NEBL: variants seen among roughly 807,000 people sequenced by gnomAD.
NEBL encodes the protein nebulette, also known as LIM and SH3 protein 2.
Under a neutral mutation model 140.2 loss-of-function variants are expected in NEBL, and 122 were observed. That is an observed-to-expected ratio of 0.87 (90% CI 0.75 to 1.01). NEBL has a LOEUF of 1.01. Ranked by LOEUF, NEBL falls within the 50% of genes least tolerant of loss-of-function variation. The pLI is 0.00. For synonymous variants in NEBL, 436 were observed against 398.9 expected (o/e 1.09, Z -1.11); for missense variants, 1,365 against 1,231.3 (o/e 1.11, Z -1.62).
intron 4 of NEBL, among the ~76,000 whole-genome samples, chr10:20,943,452 A>G (rs560428451): frequency 3.3e-5 from 5 of 152,246 alleles, no homozygotes; most frequent in South Asian, 2.1e-4. Flanking sequence ...GGTTGGGGAG[A>G]GTGGGGAGGG....
At chr10:21,177,406 T>A (rs1230906105), upstream of NEBL, among the ~76,000 whole-genome samples, 2 of 152,206 alleles carry the variant, frequency 1.3e-5, no homozygotes, top group Non-Finnish European at 2.9e-5. Flanking sequence ...TGGGGGATTG[T>A]TTTGTTACTG....
intron 4 of NEBL, among the ~76,000 whole-genome samples, chr10:20,932,308 C>G (rs1455727932): frequency 6.6e-6 from 1 of 152,114 alleles, no homozygotes; most frequent in African/African-American, 2.4e-5. Flanking sequence ...TCTCAGCAAA[C>G]TAACACAGGA....
intron 2 of NEBL, among the ~76,000 whole-genome samples, chr10:21,137,040 T>A (rs1236124590): frequency 6.6e-6 from 1 of 152,166 alleles, no homozygotes; most frequent in African/African-American, 2.4e-5. Context: ...TCCCACTAAG[T>A]TAGTTGTTAG....
intron 2 of NEBL, among the ~76,000 whole-genome samples, chr10:21,026,288 T>C (rs556371136): frequency 6.6e-6 from 1 of 152,014 alleles, no homozygotes; most frequent in South Asian, 2.1e-4. Context: ...TGACATCTCG[T>C]GGTCAGGAGG....
Position 21,255,694 on chromosome 10 carries a change from C to T in NEBL, n.183-3866G>A, listed in dbSNP as rs142101957. 2.8e-3 allele frequency among the ~76,000 whole-genome samples: 425 copies of T among 152,074 alleles called. 5 individuals carry two copies. The highest frequency in any genetic ancestry group is 1.0e-2 in the African/African-American group (414 of 41,530). ...TCTTCAGCATCAGAGAATAATCCAA[C>T]CTCTGAAAAGGATTCATCTCCGGCT... On this transcript the variant is annotated intron_variant and non_coding_transcript_variant, in intron 1 of 8. Transcript: ENST00000675702.
chr10:21,200,913 G>C (rs547897114), intron 3 of NEBL, among the ~76,000 whole-genome samples: 7 of 152,106 alleles, frequency 4.6e-5, no homozygotes, highest in Middle Eastern at 3.4e-3. Flanking sequence ...GGGCAACAGA[G>C]AGATATCCCG....
At chr10:21,124,446 T>C (rs1423852823) in intron 2 of NEBL, among the ~76,000 whole-genome samples, 1 of 152,060 alleles carries the variant, frequency 6.6e-6, no homozygotes, top group East Asian at 1.9e-4. Flanking sequence ...CTAGTAGAGG[T>C]GATAAATGCT....
intron 16 of NEBL, 92 bp from the exon 17 acceptor site, chr10:20,828,726 G>C (rs1427641441): frequency 3.6e-6 from 3 of 826,558 alleles, no homozygotes; most frequent in Non-Finnish European, 6.0e-6. Context: ...GGAAGGGAGA[G>C]AGAGAGAGTA....
chr10:20,844,396 A>G (rs1841706607), intron 12 of NEBL, among the ~76,000 whole-genome samples: 1 of 150,676 alleles, frequency 6.6e-6, no homozygotes, highest in Non-Finnish European at 1.5e-5. Context: ...TAAGATATAT[A>G]TACAAATATT....
chr10:21,122,002 G>A (rs199628586), intron 2 of NEBL, among the ~76,000 whole-genome samples: 2 of 149,434 alleles, frequency 1.3e-5, no homozygotes, highest in Non-Finnish European at 3.0e-5. Context: ...GATTTCTCCT[G>A]GTTGTTGTTG....
chr10:20,964,674 C>A (rs887397984), intron 3 of NEBL, among the ~76,000 whole-genome samples: 1 of 152,160 alleles, frequency 6.6e-6, no homozygotes, highest in Non-Finnish European at 1.5e-5. Context: ...GGACAAACAT[C>A]CAAACCATAT....
rs1842824889 is a variant in NEBL at position 21,268,491 on chromosome 10, A to G, written n.183-16663T>C. 4.0e-5 allele frequency among the ~76,000 whole-genome samples: 6 copies of G among 151,512 alleles called. No homozygotes were observed. In the South Asian group the frequency reaches 1.3e-3, roughly 32 times the overall value. ...GAGCAAGGCTCTATCTCTAAAGAGT[A>G]AAAAATACATTAAAAATAAAAATTT... On this transcript the variant is annotated intron_variant and non_coding_transcript_variant, in intron 1 of 8. Transcript: ENST00000675702.
At chr10:21,068,553 G>A (rs781021730) in intron 2 of NEBL, among the ~76,000 whole-genome samples, 77 of 152,306 alleles carry the variant, frequency 5.1e-4, no homozygotes, top group Non-Finnish European at 7.9e-4. Context: ...TTGTCACCAC[G>A]AGGAAAGAAG....
chr10:21,253,250 G>A (rs976460738), intron 1 of NEBL, among the ~76,000 whole-genome samples: 5 of 152,132 alleles, frequency 3.3e-5, no homozygotes, highest in Non-Finnish European at 5.9e-5. Flanking sequence ...TTGCCTGGGC[G>A]ACAAGAATGA....
Position 21,174,164 on chromosome 10 carries a change from G to T in NEBL, c.-331C>A, listed in dbSNP as rs1008695205. ...GCCCCTCGCGCTCACTCGCTCCCCC[G>T]CCTCGCCGCCGCCGCCGCGCAGGCC... On this transcript the variant is annotated 5_prime_UTR_variant, in exon 1 of 7. Transcript: ENST00000417816. 8 of 467,262 alleles carry T rather than the reference G, an allele frequency of 1.7e-5. No individual in the cohort carries two copies. In the Admixed American group the frequency reaches 3.1e-4, roughly 18 times the overall value. The allele number at this position is 467,262 out of a possible 1,614,324, so 28.9% of individuals were successfully genotyped here. A position where few individuals can be genotyped will look rare whatever the true frequency, so the allele number is the denominator to read the frequency against.
At chr10:21,177,947 A>G (rs1247324545), upstream of NEBL, among the ~76,000 whole-genome samples, 1 of 152,088 alleles carries the variant, frequency 6.6e-6, no homozygotes, top group African/African-American at 2.4e-5. Context: ...CATGTTTTCC[A>G]TTTGTCAGGT....
intron 3 of NEBL, among the ~76,000 whole-genome samples, chr10:21,180,387 T>G (rs74721173): frequency 0.014 from 2,159 of 152,280 alleles, 56 homozygotes; most frequent in East Asian, 0.12. Flanking sequence ...TTCCTTCTCG[T>G]TGTTGTCCTC....
In NEBL at chr10:20,919,997, A is replaced by G. The variant is rs150315229; in HGVS notation, c.357+41675T>C. On this transcript the variant is annotated intron_variant, in intron 4 of 6. Coordinates refer to the NEBL transcript ENST00000417816. ...AAAAAATCAACAACCCAATATGGAC[A>G]AAAGATGAATAGTTCACAGAAAACA... 3.9e-3 allele frequency among the ~76,000 whole-genome samples: 600 copies of G among 152,346 alleles called. 8 individuals carry two copies. The highest frequency in any genetic ancestry group is 0.013 in the African/African-American group (522 of 41,596).
In NEBL at chr10:20,785,528, T is replaced by A; in HGVS notation, c.*219A>T. ...TGAACACAATTAGCAGCACCAGGTG[T>A]CCAGACACAAAGATTTTTGTTTGTA... On this transcript the variant is annotated 3_prime_UTR_variant, in exon 28 of 28. Transcript: ENST00000377122. The A allele has an allele frequency of 1.7e-6, 1 of 588,956 alleles. No individual in the cohort carries two copies. Among genetic ancestry groups the A allele is most frequent in the East Asian group, 3.0e-5 (1 of 33,590 alleles). The allele number at this position is 588,956 out of a possible 1,614,324, so 36.5% of individuals were successfully genotyped here.
Sources: allele counts gnomAD v4.1 joint callset (sites outside exome capture counted in the v4.1 genomes callset), GRCh38; gene constraint gnomAD v4.1.1; transcripts MANE v1.5; gene names NCBI Gene and HGNC (gene_info 2026-07-23, HGNC 2026-07-21).